FRMD6: variants seen among roughly 807,000 people sequenced by gnomAD.
The protein encoded by FRMD6 is FERM domain containing 6.
A neutral mutation model predicts 73.2 loss-of-function variants in FRMD6; 37 were observed. The ratio of observed to expected loss-of-function variants is 0.51; its 90% CI spans 0.39 to 0.66. The LOEUF is 0.66. Among genes scored for constraint, FRMD6 ranks in the 30% least tolerant of loss-of-function variants. FRMD6 has a pLI of 0.00. For missense variants in FRMD6, 714 were observed against 780.5 expected (o/e 0.91, Z 1.02); for synonymous variants, 273 against 282.2 (o/e 0.97, Z 0.33).
intron 1 of FRMD6, among the ~76,000 whole-genome samples, chr14:51,560,195 G>A (rs912225091): frequency 6.6e-6 from 1 of 152,174 alleles, no homozygotes. Flanking sequence ...GGTGTGAGAA[G>A]GCAGAGTCTC....
chr14:51,617,020 G>A (rs1890742877), intron 2 of FRMD6, among the ~76,000 whole-genome samples: 1 of 152,140 alleles, frequency 6.6e-6, no homozygotes, highest in African/African-American at 2.4e-5. Flanking sequence ...GTTTAAGATG[G>A]GTATAGCTTT....
chr14:51,451,376 A>G, the FRMD6 span, among the ~76,000 whole-genome samples: 9 of 152,170 alleles, frequency 5.9e-5, no homozygotes, highest in Non-Finnish European at 1.0e-4. Context: ...CACTCTATGC[A>G]TATGTATATA....
At chr14:51,500,883 G>A (rs558275330) in intron 1 of FRMD6, among the ~76,000 whole-genome samples, 2 of 152,172 alleles carry the variant, frequency 1.3e-5, no homozygotes, top group East Asian at 3.9e-4. Context: ...TAATTTCTAT[G>A]GCAATTGTCA....
intron 1 of FRMD6, among the ~76,000 whole-genome samples, chr14:51,508,897 TCTTTC>T (rs148421852): frequency 0.013 from 2,048 of 152,294 alleles, 35 homozygotes; most frequent in African/African-American, 0.047. Context: ...TTTTCCTGTT[TCTTTC>T]CTTCCCAGAC....
chr14:51,472,451 C>A, the FRMD6 span, among the ~76,000 whole-genome samples: 23 of 152,236 alleles, frequency 1.5e-4, no homozygotes, highest in Non-Finnish European at 1.2e-4. Flanking sequence ...CTACAGGCAC[C>A]TGCCACCACG....
the FRMD6 span, among the ~76,000 whole-genome samples, chr14:51,452,827 T>C: frequency 6.6e-6 from 1 of 151,916 alleles, no homozygotes; most frequent in African/African-American, 2.4e-5. Context: ...ACGAGTAGAG[T>C]GTCTCAAAGC....
chr14:51,474,801 A>G, the FRMD6 span, among the ~76,000 whole-genome samples: 1 of 152,172 alleles, frequency 6.6e-6, no homozygotes, highest in Non-Finnish European at 1.5e-5. Context: ...AATGATACAG[A>G]ATGTTTTGTT....
chr14:51,488,243 G>A (rs985604664), upstream of FRMD6, among the ~76,000 whole-genome samples: 39 of 152,294 alleles, frequency 2.6e-4, no homozygotes, highest in Non-Finnish European at 5.3e-4. Flanking sequence ...CTTGGCCACA[G>A]GCCCACTTCT....
At chr14:51,489,393 G>C (rs1882863520) in exon 1 of FRMD6, 1 of 152,622 alleles carries the variant, frequency 6.6e-6, no homozygotes, top group African/African-American at 2.4e-5. Context: ...GAGAGCAGCA[G>C]CCTGGCTCCT....
upstream of FRMD6, among the ~76,000 whole-genome samples, chr14:51,487,819 C>T (rs1882807241): frequency 1.3e-5 from 2 of 152,040 alleles, no homozygotes; most frequent in Admixed American, 1.3e-4. Flanking sequence ...TAGAAATCCC[C>T]CCACTGATAC....
At chr14:51,600,339 A>G (rs1329709631) in intron 2 of FRMD6, among the ~76,000 whole-genome samples, 1 of 152,222 alleles carries the variant, frequency 6.6e-6, no homozygotes, top group Non-Finnish European at 1.5e-5. Context: ...TTTATTTATC[A>G]ACAGGAATTC....
chr14:51,701,239 A>T (rs1896289423), intron 4 of FRMD6, 80 bp downstream of exon 4: 4 of 728,672 alleles, frequency 5.5e-6, no homozygotes, highest in Non-Finnish European at 8.9e-6. Context: ...TTAGAAGAAA[A>T]CTGTAAGCAA....
chr14:51,583,274 C>T (rs551386381), intron 2 of FRMD6, among the ~76,000 whole-genome samples: 1 of 152,204 alleles, frequency 6.6e-6, no homozygotes, highest in African/African-American at 2.4e-5. Flanking sequence ...GGTAAGGCCT[C>T]CCTTACTGTC....
the FRMD6 span, among the ~76,000 whole-genome samples, chr14:51,417,964 G>A: frequency 2.0e-5 from 3 of 152,090 alleles, no homozygotes; most frequent in African/African-American, 7.2e-5. Context: ...GCTTGTGCAT[G>A]TGTCATGTAG....
chr14:51,515,800 G>GT (rs10709991), intron 1 of FRMD6, among the ~76,000 whole-genome samples: 4 of 151,802 alleles, frequency 2.6e-5, no homozygotes, highest in Admixed American at 6.6e-5. Context: ...AGGAAGTTGA[G>GT]TTTTTTTTCA....
At chr14:51,459,882 C>CTTTTTTTTTTTTT in the FRMD6 span, among the ~76,000 whole-genome samples, 23 of 23,430 alleles carry the variant, frequency 9.8e-4, no homozygotes, top group African/African-American at 4.3e-3. Context: ...ATTACTGACT[C>CTTTTTTTTTTTTT]TCTTTTTTTT....
At chr14:51,426,082 T>C in the FRMD6 span, among the ~76,000 whole-genome samples, 6 of 152,120 alleles carry the variant, frequency 3.9e-5, no homozygotes, top group Non-Finnish European at 7.4e-5. Flanking sequence ...TGGGCCCTCA[T>C]TTTTGGATTC....
At chr14:51,535,072 C>A (rs902643274) in intron 1 of FRMD6, among the ~76,000 whole-genome samples, 7 of 152,168 alleles carry the variant, frequency 4.6e-5, no homozygotes, top group African/African-American at 1.2e-4. Flanking sequence ...TTCTAATGCT[C>A]AGGGAGCTAC....
In FRMD6 at chr14:51,698,421, A is replaced by G. The variant is rs148502201; in HGVS notation, c.190+189A>G. 2.1e-3 allele frequency among the ~76,000 whole-genome samples: 317 copies of G among 152,192 alleles called. 1 individual carries two copies. Among genetic ancestry groups the G allele is most frequent in the African/African-American group, 7.5e-3 (312 of 41,528 alleles). On this transcript the variant is annotated intron_variant, in intron 3 of 13. Transcript: ENST00000344768. ...ATCTCAATTTCTATGTATTTTTTACAATATTTAGGATTTTAGGCATTTATT... is the reference window on the plus strand; with the variant it reads ...ATCTCAATTTCTATGTATTTTTTACGATATTTAGGATTTTAGGCATTTATT...
Sources: allele counts gnomAD v4.1 joint callset (sites outside exome capture counted in the v4.1 genomes callset), GRCh38; gene constraint gnomAD v4.1.1; transcripts MANE v1.5; gene names NCBI Gene and HGNC (gene_info 2026-07-23, HGNC 2026-07-21).